ATP8A1: variants seen among roughly 807,000 people sequenced by gnomAD.
ATP8A1 encodes phospholipid-transporting ATPase IA.
Under a neutral mutation model 177.7 loss-of-function variants are expected in ATP8A1, and 90 were observed. The observed-to-expected ratio is 0.51, with a 90% CI of 0.43 to 0.60. The LOEUF (loss-of-function observed/expected upper bound fraction) is 0.60. ATP8A1 is among the 20% of genes least tolerant of loss of function. ATP8A1 has a pLI of 0.00. For missense variants in ATP8A1, 1,072 were observed against 1,392.8 expected, an observed-to-expected ratio of 0.77 and a Z score of 3.67; for synonymous variants, 493 against 485.9, an observed-to-expected ratio of 1.01 and a Z score of -0.19.
chr4:42,581,524 G>T, intron 10 of ATP8A1, 97 bp downstream of exon 10: 1 of 856,366 alleles, frequency 1.2e-6, no homozygotes, highest in Non-Finnish European at 2.0e-6. Flanking sequence ...GTCTGTGACA[G>T]ATGGTCTCCT....
intron 24 of ATP8A1, among the ~76,000 whole-genome samples, 176 bp downstream of exon 24, chr4:42,503,274 G>C (rs1028262399): frequency 6.6e-6 from 1 of 152,150 alleles, no homozygotes; most frequent in East Asian, 1.9e-4. Flanking sequence ...TGTAAAGCTT[G>C]AATCAATTTA....
chr4:42,427,801 A>G (rs144710518), intron 33 of ATP8A1, among the ~76,000 whole-genome samples: 10 of 152,364 alleles, frequency 6.6e-5, no homozygotes, highest in African/African-American at 2.2e-4. Flanking sequence ...AGAGCAGCGT[A>G]AGGCTTCAAG....
At chr4:42,414,367 A>C (rs1429672049) in intron 36 of ATP8A1, among the ~76,000 whole-genome samples, 1 of 152,228 alleles carries the variant, frequency 6.6e-6, no homozygotes, top group African/African-American at 2.4e-5. Flanking sequence ...TTTAAAGAAA[A>C]AGATTTGAGG....
At position 42,631,767 on chromosome 4, in the gene ATP8A1, C is replaced by T. The variant is rs371140266; in HGVS notation, c.50-4658G>A. Among the ~76,000 whole-genome samples the T allele has an allele frequency of 2.0e-5, 3 of 152,162 alleles. No homozygotes were observed. In the South Asian group the frequency reaches 6.2e-4, roughly 31 times the overall value. On this transcript the variant is annotated intron_variant, in intron 1 of 36. Transcript: ENST00000381668. The stretch of plus-strand genomic sequence containing the variant: ...GATATTTAATCTTCCAATGGGATTA[C>T]CAAATCCTGTAGGCCTAGGAACCAA...
chr4:42,573,159 A>C (rs1732073834), intron 14 of ATP8A1, among the ~76,000 whole-genome samples: 1 of 152,218 alleles, frequency 6.6e-6, no homozygotes. Flanking sequence ...AAAATTTCAC[A>C]ATCAATAATT....
intron 6 of ATP8A1, 32 bp downstream of exon 6, chr4:42,600,446 T>C (rs370779541): frequency 5.4e-5 from 85 of 1,587,852 alleles, no homozygotes; most frequent in Middle Eastern, 1.7e-4. Context: ...ATGTATTTCT[T>C]CTCCTGGAAC....
At chr4:42,650,781 TTTC>T (rs1179555723) in intron 1 of ATP8A1, among the ~76,000 whole-genome samples, 2 of 152,164 alleles carry the variant, frequency 1.3e-5, no homozygotes, top group African/African-American at 4.8e-5. Flanking sequence ...TGTGTGTGCA[TTTC>T]TTTAGTTCTG....
chr4:42,546,820 CTT>C (rs929974491), intron 19 of ATP8A1, among the ~76,000 whole-genome samples: 1 of 152,192 alleles, frequency 6.6e-6, no homozygotes, highest in Non-Finnish European at 1.5e-5. Context: ...ACCACTCTCT[CTT>C]TGAATCCTCT....
intron 6 of ATP8A1, among the ~76,000 whole-genome samples, chr4:42,599,478 C>A (rs1176113572): frequency 6.6e-6 from 1 of 151,790 alleles, no homozygotes; most frequent in Admixed American, 6.6e-5. Context: ...TGTCAAAAAC[C>A]AAAGAAAAAA....
chr4:42,527,536 G>A (rs1726802476), intron 20 of ATP8A1, among the ~76,000 whole-genome samples: 2 of 152,062 alleles, frequency 1.3e-5, no homozygotes, highest in Non-Finnish European at 1.5e-5. Context: ...AGGTAACAAC[G>A]ATGGCCTCCC....
chr4:42,600,253 GA>G (rs1029390923), intron 6 of ATP8A1, among the ~76,000 whole-genome samples: 115 of 151,850 alleles, frequency 7.6e-4, no homozygotes, highest in African/African-American at 2.7e-3. Flanking sequence ...AATATACTAT[GA>G]AAAAAACAAA....
At chr4:42,474,207 C>T (rs561295218) in intron 25 of ATP8A1, among the ~76,000 whole-genome samples, 57 of 152,056 alleles carry the variant, frequency 3.7e-4, no homozygotes, top group Non-Finnish European at 5.7e-4. Context: ...ACCTTTGGGG[C>T]GACAGGAAGT....
At chr4:42,528,327 A>G (rs993139940) in intron 20 of ATP8A1, among the ~76,000 whole-genome samples, 3 of 152,144 alleles carry the variant, frequency 2.0e-5, no homozygotes, top group African/African-American at 7.2e-5. Flanking sequence ...AAAAATAGTA[A>G]ATCAAAAACA....
At position 42,524,867 on chromosome 4, in the gene ATP8A1, T is replaced by C. The variant is rs1423801669; in HGVS notation, c.1723-20A>G. 1 of 1,531,708 alleles carries C rather than the reference T, an allele frequency of 6.5e-7. No individual in the cohort carries two copies. The highest frequency in any genetic ancestry group is 1.2e-5 in the South Asian group (1 of 85,118). 94.9% of individuals were successfully genotyped at this position (1,531,708 alleles called of 1,614,324 possible). A position where few individuals can be genotyped will look rare whatever the true frequency, so the allele number is the denominator to read the frequency against. On this transcript the variant is annotated intron_variant, in intron 20 of 36. Coordinates refer to ENST00000381668, the MANE Select transcript of ATP8A1 (RefSeq NM_006095.2). Reference sequence around the variant, plus strand: ...AGTGTCCTGGAAAACAAACAGAGGGTAAAATGATTTAATTAAGCATTCTGG... The same window carrying C: ...AGTGTCCTGGAAAACAAACAGAGGGCAAAATGATTTAATTAAGCATTCTGG...
At chr4:42,652,883 T>C (rs1426472993) in intron 1 of ATP8A1, among the ~76,000 whole-genome samples, 2 of 151,672 alleles carry the variant, frequency 1.3e-5, no homozygotes, top group Admixed American at 1.3e-4. Flanking sequence ...GGGTATGTTT[T>C]TATTAGCAGC....
At chr4:42,434,099 C>T (rs140822948) in intron 33 of ATP8A1, among the ~76,000 whole-genome samples, 183 of 152,170 alleles carry the variant, frequency 1.2e-3, no homozygotes, top group African/African-American at 4.2e-3. Flanking sequence ...TAATTAAAAA[C>T]ATAATTCGTT....
chr4:42,522,172 C>G lies in ATP8A1; in HGVS notation c.1935G>C (p.Glu645Asp). The change falls in exon 22 of 37, where the codon GAG (glutamate) becomes GAC (aspartate). Residue 645 changes from glutamate to aspartate, a missense_variant. By Grantham distance (45) the Glu-to-Asp change is conservative (BLOSUM62 2). Transcript: ENST00000381668. ...NRLLKLEESYELIEKNLQLLG... is the reference protein window; with the variant it reads ...NRLLKLEESYDLIEKNLQLLG... ...ATCATCCACGTACCTTTTCAATCAA[C>G]TCATAACTCTCTTCGAGTTTGAGTA... The G allele has an allele frequency of 1.9e-6, 3 of 1,611,156 alleles. No individual in the cohort carries two copies. Among genetic ancestry groups the G allele is most frequent in the Non-Finnish European group, 2.5e-6 (3 of 1,179,352 alleles).
intron 4 of ATP8A1, among the ~76,000 whole-genome samples, chr4:42,617,011 C>G (rs2109455267): frequency 6.6e-6 from 1 of 152,268 alleles, no homozygotes; most frequent in Non-Finnish European, 1.5e-5. Flanking sequence ...CATACAAAGC[C>G]TGAAGTTGAA....
intron 15 of ATP8A1, 46 bp from the exon 16 acceptor site, chr4:42,556,086 C>A: frequency 7.5e-7 from 1 of 1,329,610 alleles, no homozygotes; most frequent in Admixed American, 1.8e-5. Context: ...TTTATACCAG[C>A]CCACTGATCT....
Sources: gnomAD v4.1 joint callset for allele counts (sites outside exome capture counted in the v4.1 genomes callset) on GRCh38, gnomAD v4.1.1 for gene constraint, MANE v1.5 for transcripts, NCBI Gene and HGNC (gene_info 2026-07-23, HGNC 2026-07-21) for gene names.